Variants in SLC25A17 observed in about 807,000 individuals in gnomAD.
SLC25A17 encodes the protein peroxisomal membrane protein PMP34.
A neutral mutation model predicts 38.5 loss-of-function variants in SLC25A17; 26 were observed. That is an observed-to-expected ratio of 0.68 (90% CI 0.50 to 0.94). The LOEUF is 0.94. SLC25A17 is among the 40% of genes least tolerant of loss of function. SLC25A17 has a pLI of 0.00. For synonymous variants in SLC25A17, 139 were observed against 136.2 expected, an observed-to-expected ratio of 1.02 and a Z score of -0.14; for missense variants, 333 against 372.7, an observed-to-expected ratio of 0.89 and a Z score of 0.88.
intron 4 of SLC25A17, 120 bp from the exon 5 acceptor site, chr22:40,779,245 C>A: frequency 6.5e-7 from 1 of 1,550,182 alleles, no homozygotes; most frequent in South Asian, 1.2e-5. Context: ...CTTAGGAGAC[C>A]TAAGGTAAGG....
chr22:40,818,024 T>C (rs1375988233), intron 1 of SLC25A17, among the ~76,000 whole-genome samples: 1 of 152,192 alleles, frequency 6.6e-6, no homozygotes, highest in African/African-American at 2.4e-5. Flanking sequence ...TAGGTATCAC[T>C]TCCCCCACTT....
chr22:40,774,052 G>C (rs2057215736), intron 7 of SLC25A17, 33 bp from the exon 8 acceptor site: 1 of 1,385,848 alleles, frequency 7.2e-7, no homozygotes, highest in South Asian at 1.2e-5. Context: ...CAAAAGTACT[G>C]TTGCTGTTTT....
Position 40,798,499 on chromosome 22 carries a change from A to G in SLC25A17, c.115+524T>C, listed in dbSNP as rs6002147. ...GGCCTCTAGAGTGGGAAAGGGGGTGAGCAACTTTAGGCCCCAGTCTACCAG... is the reference window on the plus strand; with the variant it reads ...GGCCTCTAGAGTGGGAAAGGGGGTGGGCAACTTTAGGCCCCAGTCTACCAG... On this transcript the variant is annotated intron_variant, in intron 2 of 8. Coordinates refer to ENST00000435456, the MANE Select transcript of SLC25A17 (RefSeq NM_006358.4). 3.6e-3 allele frequency among the ~76,000 whole-genome samples: 542 copies of G among 152,118 alleles called. 5 individuals carry two copies. Among genetic ancestry groups the G allele is most frequent in the African/African-American group, 0.013 (521 of 41,500 alleles).
At chr22:40,790,623 G>T (rs1358163393) in intron 4 of SLC25A17, among the ~76,000 whole-genome samples, 1 of 152,166 alleles carries the variant, frequency 6.6e-6, no homozygotes, top group African/African-American at 2.4e-5. Flanking sequence ...TTAGAAAGAT[G>T]AACAGGACAG....
Position 40,789,507 on chromosome 22 carries a change from G to T in SLC25A17, c.334+3018C>A, listed in dbSNP as rs1018953612. On this transcript the variant is annotated intron_variant, in intron 4 of 8. Coordinates refer to ENST00000435456, the MANE Select transcript of SLC25A17 (RefSeq NM_006358.4). The surrounding 1 kb of genome is among the most constrained non-coding windows in gnomAD (Gnocchi z 4.5). ...TTCCCTACCTTTTAAAATATTTTAT[G>T]TTTGTTTGTTTATTTAGAGGTAGAG... is the stretch of plus-strand genomic sequence containing the variant. Among the ~76,000 whole-genome samples, 6 of 152,012 alleles carry T rather than the reference G, an allele frequency of 3.9e-5. No individual in the cohort carries two copies. Among genetic ancestry groups the T allele is most frequent in the African/African-American group, 1.4e-4 (6 of 41,394 alleles).
At chr22:40,794,617 T>TA (rs202241799) in intron 2 of SLC25A17, 37 bp from the exon 3 acceptor site, 1,272 of 1,402,790 alleles carry the variant, frequency 9.1e-4, no homozygotes, top group South Asian at 1.0e-3. Flanking sequence ...TTTTATTAAT[T>TA]AAAAAAAAAA....
intron 1 of SLC25A17, among the ~76,000 whole-genome samples, chr22:40,802,461 A>G (rs747103581): frequency 1.6e-4 from 25 of 152,040 alleles, no homozygotes; most frequent in Non-Finnish European, 3.4e-4. Flanking sequence ...CCTGGCCAAC[A>G]TGGTGAAACT....
chr22:40,811,132 T>C (rs145869711), intron 1 of SLC25A17, among the ~76,000 whole-genome samples: 4,487 of 152,292 alleles, frequency 0.029, 218 homozygotes, highest in African/African-American at 0.1. Flanking sequence ...GGTTTTGCCA[T>C]GTTGCCCAGG....
At chr22:40,805,300 C>T (rs947064811) in intron 1 of SLC25A17, among the ~76,000 whole-genome samples, 2 of 152,192 alleles carry the variant, frequency 1.3e-5, no homozygotes, top group South Asian at 4.1e-4. Flanking sequence ...TTGCAGTGAG[C>T]CAAGTTCGTG....
At chr22:40,815,337 G>C (rs3788581) in intron 1 of SLC25A17, among the ~76,000 whole-genome samples, 93 of 152,254 alleles carry the variant, frequency 6.1e-4, no homozygotes, top group African/African-American at 2.2e-3. Flanking sequence ...GGGCTGGAGG[G>C]GAGGACAAAG....
Position 40,788,552 on chromosome 22 carries a change from G to A in SLC25A17, c.334+3973C>T, listed in dbSNP as rs6002135. Reference sequence around the variant, plus strand: ...CTAAAAATACAAAAATTAGCCAGGCGTGGTGGTGTGCGCCTGTAATTCCAG... The same window carrying A: ...CTAAAAATACAAAAATTAGCCAGGCATGGTGGTGTGCGCCTGTAATTCCAG... On this transcript the variant is annotated intron_variant, in intron 4 of 8. Transcript: ENST00000435456. Among the ~76,000 whole-genome samples, 547 of 152,230 alleles carry A rather than the reference G, an allele frequency of 3.6e-3. 5 individuals are homozygous for A. The highest frequency in any genetic ancestry group is 0.013 in the African/African-American group (526 of 41,540).
intron 1 of SLC25A17, among the ~76,000 whole-genome samples, chr22:40,800,546 G>A (rs2057471694): frequency 6.6e-6 from 1 of 152,044 alleles, no homozygotes; most frequent in Non-Finnish European, 1.5e-5. Flanking sequence ...CTACAGATGT[G>A]TGTCACCACA....
Position 40,813,046 on chromosome 22 carries a change from T to C in SLC25A17, c.54+6149A>G, listed in dbSNP as rs1324454476. The stretch of plus-strand genomic sequence containing the variant: ...CTGACATAACAATCAAGCTAACTCA[T>C]ACATACACAGACAGATAGGCAAGTT... On this transcript the variant is annotated intron_variant, in intron 1 of 8. Coordinates refer to ENST00000435456, the MANE Select transcript of SLC25A17 (RefSeq NM_006358.4). Among the ~76,000 whole-genome samples the C allele has an allele frequency of 7.9e-5, 12 of 152,134 alleles. No homozygotes were observed. In the East Asian group the frequency reaches 2.3e-3, roughly 29 times the overall value.
chr22:40,791,883 G>T (rs1032568128), intron 4 of SLC25A17, among the ~76,000 whole-genome samples: 1 of 151,968 alleles, frequency 6.6e-6, no homozygotes, highest in African/African-American at 2.4e-5. Context: ...CCCACTTCTG[G>T]GTATATATCC....
At chr22:40,774,942 T>C (rs1035819309) in intron 7 of SLC25A17, among the ~76,000 whole-genome samples, 3 of 152,042 alleles carry the variant, frequency 2.0e-5, no homozygotes, top group African/African-American at 7.2e-5. Context: ...ATCCTACCCC[T>C]CTCCTCTCCA....
intron 1 of SLC25A17, among the ~76,000 whole-genome samples, chr22:40,813,606 C>T (rs891310994): frequency 1.3e-5 from 2 of 151,910 alleles, no homozygotes; most frequent in Non-Finnish European, 2.9e-5. Context: ...CACCTGTAGT[C>T]CCAGCTACTC....
chr22:40,792,450 G>T, intron 4 of SLC25A17, 75 bp downstream of exon 4: 4 of 1,255,458 alleles, frequency 3.2e-6, no homozygotes, highest in South Asian at 1.7e-5. Context: ...ATTACTTTGG[G>T]CTAAATAACC....
intron 4 of SLC25A17, among the ~76,000 whole-genome samples, chr22:40,781,074 A>C (rs1425199692): frequency 6.6e-6 from 1 of 152,050 alleles, no homozygotes; most frequent in Non-Finnish European, 1.5e-5. Context: ...AAGAGGCTGA[A>C]GTGGGAAGAT....
intron 1 of SLC25A17, among the ~76,000 whole-genome samples, chr22:40,808,155 G>A (rs1456747527): frequency 2.0e-5 from 3 of 152,038 alleles, no homozygotes; most frequent in South Asian, 2.1e-4. Flanking sequence ...GAGTTCTAAC[G>A]CTGACAGCAA....
Sources: allele counts gnomAD v4.1 joint callset (sites outside exome capture counted in the v4.1 genomes callset), GRCh38; gene constraint gnomAD v4.1.1; non-coding constraint Gnocchi (gnomAD v3.1); transcripts MANE v1.5; gene names NCBI Gene and HGNC (gene_info 2026-07-23, HGNC 2026-07-21).